The following TBC1D22A variants were observed in gnomAD, a reference collection of about 807,000 sequenced individuals.
TBC1D22A encodes TBC1 domain family member 22A, also known as putative GTPase activator.
TBC1D22A carries 38 observed loss-of-function variants against 60.2 expected under a neutral mutation model. The observed-to-expected ratio is 0.63, with a 90% CI of 0.49 to 0.83. The LOEUF is 0.83. Ranked by LOEUF, TBC1D22A falls within the 40% of genes least tolerant of loss-of-function variation. TBC1D22A has a pLI of 0.00. For missense variants in TBC1D22A, 628 were observed against 701.0 expected, an observed-to-expected ratio of 0.90 and a Z score of 1.18; for synonymous variants, 302 against 281.7, an observed-to-expected ratio of 1.07 and a Z score of -0.72.
chr22:46,995,589 T>C (rs16996135), intron 9 of TBC1D22A, among the ~76,000 whole-genome samples: 6,296 of 152,186 alleles, frequency 0.041, 385 homozygotes, highest in African/African-American at 0.13. Context: ...TTTCCAGACT[T>C]GGGAATGCTG....
intron 10 of TBC1D22A, among the ~76,000 whole-genome samples, chr22:47,032,572 T>C (rs1230090301): frequency 3.3e-5 from 5 of 152,188 alleles, no homozygotes; most frequent in Non-Finnish European, 7.4e-5. Flanking sequence ...GCCTGAAGCC[T>C]CCTGTGTAAA....
chr22:46,847,512 C>G (rs2087057409), intron 4 of TBC1D22A, among the ~76,000 whole-genome samples: 1 of 152,246 alleles, frequency 6.6e-6, no homozygotes, highest in Admixed American at 6.5e-5. Context: ...ACGCATTCTG[C>G]TGCTTCTCTG....
At chr22:46,795,134 A>G (rs989558078) in intron 3 of TBC1D22A, among the ~76,000 whole-genome samples, 5 of 152,218 alleles carry the variant, frequency 3.3e-5, no homozygotes, top group African/African-American at 1.2e-4. Context: ...GTAACTGGAA[A>G]TCTGGTGATG....
At chr22:46,768,691 A>C (rs975842649) in intron 1 of TBC1D22A, among the ~76,000 whole-genome samples, 5 of 152,088 alleles carry the variant, frequency 3.3e-5, no homozygotes, top group Non-Finnish European at 5.9e-5. Flanking sequence ...GCAGTCTTTC[A>C]GTGTGGGTCT....
At chr22:46,767,421 T>A (rs1270887762) in intron 1 of TBC1D22A, among the ~76,000 whole-genome samples, 1 of 152,148 alleles carries the variant, frequency 6.6e-6, no homozygotes, top group African/African-American at 2.4e-5. Flanking sequence ...TTGGACCAGT[T>A]TTGAGAATTT....
In TBC1D22A at chr22:46,858,934, C is replaced by T. The variant is rs566713001; in HGVS notation, c.638-19719C>T. On this transcript the variant is annotated intron_variant, in intron 4 of 12. Transcript: ENST00000337137. ...AACAAAAATGATGAGAAAAAAAAGT[C>T]CCACATGCCCACGCGCAGACCAGAA... is the stretch of plus-strand genomic sequence containing the variant. Among the ~76,000 whole-genome samples, 23 of 152,342 alleles carry T rather than the reference C, an allele frequency of 1.5e-4. No individual in the cohort carries two copies. The South Asian group carries it at 3.9e-3, about 26-fold the overall frequency.
intron 1 of TBC1D22A, among the ~76,000 whole-genome samples, chr22:46,771,873 G>A (rs531693082): frequency 2.6e-5 from 4 of 152,050 alleles, no homozygotes; most frequent in Non-Finnish European, 4.4e-5. Flanking sequence ...GAGATTACAG[G>A]CGTGAACCAC....
intron 12 of TBC1D22A, among the ~76,000 whole-genome samples, chr22:47,123,209 G>C (rs1450020002): frequency 5.3e-5 from 8 of 152,098 alleles, no homozygotes. Context: ...TGAAAACAGA[G>C]AGCACCAGCT....
intron 12 of TBC1D22A, among the ~76,000 whole-genome samples, chr22:47,117,610 A>T (rs2066115828): frequency 6.6e-6 from 1 of 152,102 alleles, no homozygotes; most frequent in Non-Finnish European, 1.5e-5. Flanking sequence ...CCTTCTCCCA[A>T]CAAGGGTCTG....
chr22:46,920,144 A>G (rs1365903241), intron 8 of TBC1D22A, among the ~76,000 whole-genome samples: 1 of 152,090 alleles, frequency 6.6e-6, no homozygotes, highest in African/African-American at 2.4e-5. Context: ...CACTAACGTT[A>G]TCATAGTTCA....
intron 4 of TBC1D22A, among the ~76,000 whole-genome samples, chr22:46,858,737 A>G (rs1602185270): frequency 6.6e-6 from 1 of 152,304 alleles, no homozygotes; most frequent in African/African-American, 2.4e-5. Context: ...TCCAGATGGA[A>G]GGGCTAAGGA....
intron 5 of TBC1D22A, among the ~76,000 whole-genome samples, chr22:46,887,423 A>T (rs992717271): frequency 2.0e-5 from 3 of 152,206 alleles, no homozygotes; most frequent in Admixed American, 6.5e-5. Flanking sequence ...GAGGTATGCA[A>T]ACCTAGCAGG....
intron 10 of TBC1D22A, among the ~76,000 whole-genome samples, chr22:46,997,943 C>T (rs1441741310): frequency 6.6e-6 from 1 of 152,108 alleles, no homozygotes; most frequent in Non-Finnish European, 1.5e-5. Context: ...TGAGTGTGCA[C>T]CCAAAGCAGG....
At chr22:46,861,319 C>T (rs984144338) in intron 4 of TBC1D22A, among the ~76,000 whole-genome samples, 15 of 152,158 alleles carry the variant, frequency 9.9e-5, no homozygotes, top group African/African-American at 3.1e-4. Flanking sequence ...TAAAATGTGT[C>T]TCTATTTTAA....
At chr22:46,852,840 G>A (rs2087354855) in intron 4 of TBC1D22A, among the ~76,000 whole-genome samples, 1 of 152,020 alleles carries the variant, frequency 6.6e-6, no homozygotes, top group South Asian at 2.1e-4. Flanking sequence ...TCATCTCCCT[G>A]TGCGCAGACC....
chr22:46,800,730 T>A (rs894804652), intron 4 of TBC1D22A, among the ~76,000 whole-genome samples: 1 of 152,238 alleles, frequency 6.6e-6, no homozygotes, highest in African/African-American at 2.4e-5. Context: ...ATGTTAGTTA[T>A]TTTTATGGTT....
At chr22:47,027,255 A>G (rs1304125639) in intron 10 of TBC1D22A, among the ~76,000 whole-genome samples, 3 of 152,238 alleles carry the variant, frequency 2.0e-5, no homozygotes, top group Non-Finnish European at 4.4e-5. Context: ...TTGAATTCAT[A>G]TTTTGTGCCA....
At chr22:47,049,797 T>G (rs1292131306) in intron 11 of TBC1D22A, among the ~76,000 whole-genome samples, 1 of 152,232 alleles carries the variant, frequency 6.6e-6, no homozygotes, top group Non-Finnish European at 1.5e-5. Flanking sequence ...ATGTGGTGCG[T>G]GATTTTTCAG....
Position 46,864,093 on chromosome 22 carries a change from G to A in TBC1D22A, c.638-14560G>A, listed in dbSNP as rs546838942. ...TTCCTGACATTCCTGATGCCTCCACGTGCATATTCCTTCCTATTTGTAACC... is the reference window on the plus strand; with the variant it reads ...TTCCTGACATTCCTGATGCCTCCACATGCATATTCCTTCCTATTTGTAACC... On this transcript the variant is annotated intron_variant, in intron 4 of 12. Coordinates refer to ENST00000337137, the MANE Select transcript of TBC1D22A (RefSeq NM_014346.5). Among the ~76,000 whole-genome samples the A allele has an allele frequency of 6.6e-5, 10 of 152,276 alleles. No homozygotes were observed. In the South Asian group the frequency reaches 1.7e-3, roughly 25 times the overall value.
Sources: gnomAD v4.1 joint callset for allele counts (sites outside exome capture counted in the v4.1 genomes callset) on GRCh38, gnomAD v4.1.1 for gene constraint, MANE v1.5 for transcripts, NCBI Gene and HGNC (gene_info 2026-07-23, HGNC 2026-07-21) for gene names.